SORCS3: variants seen among roughly 807,000 people sequenced by gnomAD.
SORCS3 encodes the protein sortilin related VPS10 domain containing receptor 3.
Under a neutral mutation model 146.3 loss-of-function variants are expected in SORCS3, and 57 were observed. The observed-to-expected ratio is 0.39, with a 90% CI of 0.31 to 0.49. The LOEUF (loss-of-function observed/expected upper bound fraction) is 0.49. SORCS3 is among the 20% of genes least tolerant of loss of function. SORCS3 has a pLI of 0.92. For missense variants in SORCS3, 1,341 were observed against 1,575.5 expected, an observed-to-expected ratio of 0.85 and a Z score of 2.52; for synonymous variants, 653 against 618.5, an observed-to-expected ratio of 1.06 and a Z score of -0.83.
chr10:104,779,128 G>T (rs2017344524), intron 1 of SORCS3, among the ~76,000 whole-genome samples: 1 of 152,202 alleles, frequency 6.6e-6, no homozygotes, highest in Admixed American at 6.5e-5. Flanking sequence ...CTCCAGAATT[G>T]AGAATAGGCA....
intron 1 of SORCS3, among the ~76,000 whole-genome samples, chr10:104,771,408 C>T (rs1022125864): frequency 2.0e-4 from 30 of 152,162 alleles, no homozygotes; most frequent in African/African-American, 7.2e-4. Context: ...CATGGAATCT[C>T]TGCTTGGCCC....
rs369177301 is a variant in SORCS3, at chr10:105,215,320, G to A, written c.2547+707G>A. ...TCTTTGCTGAGTGGTAGAGCAGGAAGGCTTGCTTGATTGACACAGCCCTCT... is the reference window on the plus strand; with the variant it reads ...TCTTTGCTGAGTGGTAGAGCAGGAAAGCTTGCTTGATTGACACAGCCCTCT... On this transcript the variant is annotated intron_variant, in intron 18 of 26. Transcript: ENST00000369701. 7.9e-5 allele frequency among the ~76,000 whole-genome samples: 12 copies of A among 152,300 alleles called. No individual in the cohort carries two copies. The East Asian group carries it at 1.7e-3, about 22-fold the overall frequency.
intron 6 of SORCS3, among the ~76,000 whole-genome samples, chr10:105,100,271 A>G (rs570537658): frequency 6.6e-6 from 1 of 152,352 alleles, no homozygotes; most frequent in African/African-American, 2.4e-5. Context: ...GACATTTTAC[A>G]TTTAGAAATA....
intron 14 of SORCS3, among the ~76,000 whole-genome samples, chr10:105,180,956 G>C (rs1369062910): frequency 2.6e-5 from 4 of 152,040 alleles, no homozygotes; most frequent in African/African-American, 9.7e-5. Flanking sequence ...TAATACAAAG[G>C]GTATTAGTTG....
intron 2 of SORCS3, among the ~76,000 whole-genome samples, chr10:104,914,375 G>A (rs1233689468): frequency 6.6e-6 from 1 of 152,172 alleles, no homozygotes. Flanking sequence ...AGAAAAGAGA[G>A]GAGCGGTGAT....
At chr10:104,800,540 C>T (rs2017612980) in intron 1 of SORCS3, among the ~76,000 whole-genome samples, 1 of 152,012 alleles carries the variant, frequency 6.6e-6, no homozygotes, top group Non-Finnish European at 1.5e-5. Context: ...CCTGGTGCTG[C>T]TGGGATACTG....
chr10:104,834,928 G>C (rs900983080), intron 1 of SORCS3, among the ~76,000 whole-genome samples: 2 of 151,962 alleles, frequency 1.3e-5, no homozygotes, highest in African/African-American at 4.8e-5. Flanking sequence ...AAGGAATCAT[G>C]CTGAGCCACA....
At chr10:104,865,935 G>A (rs1285882632) in intron 2 of SORCS3, among the ~76,000 whole-genome samples, 2 of 152,222 alleles carry the variant, frequency 1.3e-5, no homozygotes, top group Non-Finnish European at 2.9e-5. Context: ...TCATGGGAAG[G>A]AGGCATGTAG....
At chr10:105,194,684 G>A (rs910201762) in intron 14 of SORCS3, among the ~76,000 whole-genome samples, 7 of 152,070 alleles carry the variant, frequency 4.6e-5, no homozygotes, top group African/African-American at 9.7e-5. Flanking sequence ...GATAGGTTCC[G>A]TAGGATACAG....
intron 20 of SORCS3, among the ~76,000 whole-genome samples, chr10:105,227,692 A>C (rs555500604): frequency 2.0e-5 from 3 of 152,194 alleles, no homozygotes; most frequent in Non-Finnish European, 4.4e-5. Context: ...CTTTAGATCA[A>C]CTAATATTTG....
At chr10:104,689,021 A>G (rs924816374) in intron 1 of SORCS3, among the ~76,000 whole-genome samples, 5 of 152,078 alleles carry the variant, frequency 3.3e-5, no homozygotes, top group African/African-American at 9.7e-5. Flanking sequence ...CTCAGTTAAC[A>G]CCCTGCTGCT....
intron 14 of SORCS3, among the ~76,000 whole-genome samples, chr10:105,189,168 C>T (rs2056497710): frequency 6.6e-6 from 1 of 152,154 alleles, no homozygotes; most frequent in South Asian, 2.1e-4. Context: ...AATTGAGGGT[C>T]TTTGCCTGCC....
rs369431864 is a variant in SORCS3, at chr10:104,641,903, G to A, written c.576G>A (p.Gly192=). The change falls in exon 1 of 27, where the codon GGG becomes GGA. Residue 192 remains glycine (G), a synonymous_variant. Coordinates refer to ENST00000369701, the MANE Select transcript of SORCS3 (RefSeq NM_014978.3). This position sits in a 1 kb window ranked among gnomAD's most constrained non-coding sequence, Gnocchi z 6.4. ...RLPSTSFALT[G]DSAHNQAMVH... is the part of the protein sequence containing the mutation. ...CCAGCACCTCCTTCGCGCTGACCGG[G>A]GACTCGGCCCACAACCAAGCCATGG... The A allele has an allele frequency of 1.4e-5, 23 of 1,597,576 alleles. No individual in the cohort carries two copies. The highest frequency in any genetic ancestry group is 1.0e-4 in the Admixed American group (6 of 59,588).
chr10:104,969,348 C>CGT (rs2054845706), intron 3 of SORCS3, among the ~76,000 whole-genome samples: 1 of 150,396 alleles, frequency 6.6e-6, no homozygotes, highest in Non-Finnish European at 1.5e-5. Context: ...TGTGCGCGCG[C>CGT]GCGTACAGAG....
intron 2 of SORCS3, among the ~76,000 whole-genome samples, chr10:104,908,641 T>C (rs909574783): frequency 6.0e-5 from 9 of 150,944 alleles, no homozygotes; most frequent in African/African-American, 2.2e-4. Flanking sequence ...TTTCAGAAAT[T>C]AAAAAAAAAA....
At chr10:105,031,332 A>ACACAC (rs2055265871) in intron 4 of SORCS3, among the ~76,000 whole-genome samples, 1 of 113,556 alleles carries the variant, frequency 8.8e-6, no homozygotes, top group African/African-American at 3.0e-5. Flanking sequence ...CACACACACA[A>ACACAC]ACACACACAC....
chr10:104,950,922 T>A (rs77745224), intron 3 of SORCS3, among the ~76,000 whole-genome samples: 151 of 152,338 alleles, frequency 9.9e-4, no homozygotes, highest in African/African-American at 3.5e-3. Flanking sequence ...ATAAATTATT[T>A]CAGCAAAGTG....
intron 5 of SORCS3, among the ~76,000 whole-genome samples, chr10:105,062,258 T>C (rs1224152523): frequency 6.6e-6 from 1 of 152,188 alleles, no homozygotes; most frequent in African/African-American, 2.4e-5. Flanking sequence ...TGGAATAATG[T>C]AGTGGCCCAG....
chr10:105,119,607 G>A (rs975684532), intron 7 of SORCS3, among the ~76,000 whole-genome samples: 1 of 152,182 alleles, frequency 6.6e-6, no homozygotes, highest in Admixed American at 6.5e-5. Flanking sequence ...GCTACCCAAG[G>A]CCATGGGAGC....
Sources: allele counts gnomAD v4.1 joint callset (sites outside exome capture counted in the v4.1 genomes callset), GRCh38; gene constraint gnomAD v4.1.1; non-coding constraint Gnocchi (gnomAD v3.1); transcripts MANE v1.5; gene names NCBI Gene and HGNC (gene_info 2026-07-23, HGNC 2026-07-21).